ART1: variants seen among roughly 807,000 people sequenced by gnomAD.
ART1 encodes the protein ADP-ribosyltransferase 1, also known as GPI-linked NAD(P)(+)--arginine ADP-ribosyltransferase 1.
A neutral mutation model predicts 27.0 loss-of-function variants in ART1; 29 were observed. That is an observed-to-expected ratio of 1.08 (90% CI 0.80 to 1.47). The LOEUF (loss-of-function observed/expected upper bound fraction) is 1.47, where lower values mean the gene tolerates loss of function less well. Ranked by LOEUF, ART1 falls within the 40% of genes most tolerant of loss-of-function variation. The pLI is 0.00. For synonymous variants in ART1, 201 were observed against 172.2 expected, an observed-to-expected ratio of 1.17 and a Z score of -1.31; for missense variants, 480 against 423.0, an observed-to-expected ratio of 1.13 and a Z score of -1.18.
At chr11:3,658,570 C>T (rs2077592403) in intron 1 of ART1, among the ~76,000 whole-genome samples, 1 of 152,088 alleles carries the variant, frequency 6.6e-6, no homozygotes. Flanking sequence ...ATATCTGTCC[C>T]TCCCTGGAAG....
chr11:3,656,016 T>A (rs1035701434), intron 1 of ART1, among the ~76,000 whole-genome samples: 4 of 136,390 alleles, frequency 2.9e-5, no homozygotes, highest in Non-Finnish European at 6.2e-5. Flanking sequence ...CACTGCAACC[T>A]CCACCTCCCA....
chr11:3,646,779 AC>A, intron 1 of ART1, among the ~76,000 whole-genome samples: 1 of 152,262 alleles, frequency 6.6e-6, no homozygotes, highest in East Asian at 1.9e-4. Flanking sequence ...CAGGGAGTTC[AC>A]ATTTCCCAAA....
intron 1 of ART1, among the ~76,000 whole-genome samples, chr11:3,653,444 C>T (rs898230439): frequency 1.3e-5 from 2 of 148,400 alleles, no homozygotes; most frequent in Non-Finnish European, 2.9e-5. Context: ...GTGACCCCCA[C>T]TCTGACTGCC....
chr11:3,650,702 A>C (rs370399430), intron 1 of ART1, among the ~76,000 whole-genome samples: 111 of 151,882 alleles, frequency 7.3e-4, no homozygotes, highest in Middle Eastern at 3.4e-3. Context: ...CTTATTAGGC[A>C]GAGACACTTT....
intron 1 of ART1, among the ~76,000 whole-genome samples, chr11:3,652,509 T>C (rs61878542): frequency 0.074 from 11,331 of 152,188 alleles, 571 homozygotes; most frequent in Non-Finnish European, 0.11. Context: ...AAGGACTGGA[T>C]AATACTTCTA....
At chr11:3,659,494 C>A in intron 2 of ART1, 89 bp from the exon 3 acceptor site, 1 of 1,469,658 alleles carries the variant, frequency 6.8e-7, no homozygotes, top group Non-Finnish European at 9.1e-7. Context: ...CCCTTCCTGC[C>A]TTTCTCAGTG....
chr11:3,650,122 C>T (rs150744784), intron 1 of ART1, among the ~76,000 whole-genome samples: 203 of 152,316 alleles, frequency 1.3e-3, no homozygotes, highest in African/African-American at 4.6e-3. Context: ...AAACACCAGC[C>T]ACATCTCCGG....
intron 1 of ART1, among the ~76,000 whole-genome samples, chr11:3,657,461 G>C (rs1565043388): frequency 6.6e-6 from 1 of 152,146 alleles, no homozygotes; most frequent in South Asian, 2.1e-4. Flanking sequence ...TGTACTCCCA[G>C]CTACTCGGGA....
At chr11:3,645,572 C>T (rs2077465044) in intron 1 of ART1, among the ~76,000 whole-genome samples, 1 of 152,144 alleles carries the variant, frequency 6.6e-6, no homozygotes, top group Non-Finnish European at 1.5e-5. Context: ...GTCACCAAGG[C>T]CAGCCACCCA....
chr11:3,651,038 G>T (rs1025208708), intron 1 of ART1, among the ~76,000 whole-genome samples: 1 of 151,868 alleles, frequency 6.6e-6, no homozygotes, highest in Non-Finnish European at 1.5e-5. Context: ...CATTTTATCC[G>T]TCCTAAAACC....
At chr11:3,653,567 C>T (rs113277143) in intron 1 of ART1, among the ~76,000 whole-genome samples, 7 of 152,104 alleles carry the variant, frequency 4.6e-5, no homozygotes, top group Non-Finnish European at 1.0e-4. Context: ...TCCACCTGCA[C>T]TCAGGTGATT....
At position 3,650,533 on chromosome 11, in the gene ART1, A is replaced by G. The variant is rs529225672; in HGVS notation, c.-53+5354A>G. ...TCAATATGGAGGCTACCCACTCCACATTACCTTCTTTTCAAGGGCTTGTTT... is the reference window on the plus strand; with the variant it reads ...TCAATATGGAGGCTACCCACTCCACGTTACCTTCTTTTCAAGGGCTTGTTT... On this transcript the variant is annotated intron_variant, in intron 1 of 4. Coordinates refer to ENST00000250693, the MANE Select transcript of ART1 (RefSeq NM_004314.3). Among the ~76,000 whole-genome samples the G allele has an allele frequency of 2.0e-5, 3 of 152,222 alleles. No individual in the cohort carries two copies. The East Asian group carries it at 5.8e-4, about 29-fold the overall frequency.
intron 1 of ART1, among the ~76,000 whole-genome samples, chr11:3,645,933 C>T (rs768443499): frequency 8.5e-5 from 13 of 152,060 alleles, no homozygotes; most frequent in Non-Finnish European, 1.8e-4. Flanking sequence ...GCCGCACCTG[C>T]GACGTTGTTC....
chr11:3,659,353 G>C (rs2077599082), intron 2 of ART1, 77 bp downstream of exon 2: 22 of 1,586,140 alleles, frequency 1.4e-5, no homozygotes, highest in Non-Finnish European at 1.8e-5. Context: ...GAGGGAGAAA[G>C]AGAGAGAGGA....
intron 1 of ART1, among the ~76,000 whole-genome samples, chr11:3,656,078 G>A (rs921076206): frequency 2.6e-5 from 4 of 151,700 alleles, no homozygotes; most frequent in Non-Finnish European, 4.4e-5. Flanking sequence ...GATTACAAGC[G>A]CACAACACCA....
intron 1 of ART1, among the ~76,000 whole-genome samples, chr11:3,654,871 C>G (rs35742970): frequency 1.3e-5 from 2 of 152,066 alleles, no homozygotes; most frequent in African/African-American, 4.8e-5. Flanking sequence ...CTTCAAGCCT[C>G]TCCTCCCCTC....
chr11:3,648,433 T>C (rs1180687612), intron 1 of ART1, among the ~76,000 whole-genome samples: 2 of 152,068 alleles, frequency 1.3e-5, no homozygotes, highest in Admixed American at 6.5e-5. Flanking sequence ...GCGCAAGAAA[T>C]ATCTCACCAA....
chr11:3,651,110 C>T (rs1341844805), intron 1 of ART1, among the ~76,000 whole-genome samples: 1 of 151,744 alleles, frequency 6.6e-6, no homozygotes, highest in African/African-American at 2.4e-5. Context: ...TTTGCCTATC[C>T]ACCCTGTGGT....
chr11:3,655,576 C>A (rs2077567516), intron 1 of ART1: 1 of 152,214 alleles, frequency 6.6e-6, no homozygotes, highest in African/African-American at 2.4e-5. Flanking sequence ...TGACAGCCTG[C>A]ATGAGAACTA....
Sources: allele counts gnomAD v4.1 joint callset (sites outside exome capture counted in the v4.1 genomes callset), GRCh38; gene constraint gnomAD v4.1.1; transcripts MANE v1.5; gene names NCBI Gene and HGNC (gene_info 2026-07-23, HGNC 2026-07-21).